TMEM184A: variants seen among roughly 807,000 people sequenced by gnomAD.
The protein encoded by TMEM184A is transmembrane protein 184A, also known as sexually dimorphic, expressed in male gonads 1.
Under a neutral mutation model 39.5 loss-of-function variants are expected in TMEM184A, and 40 were observed. The observed-to-expected ratio is 1.01, with a 90% CI of 0.79 to 1.32. The LOEUF (loss-of-function observed/expected upper bound fraction) is 1.32, where lower values mean the gene tolerates loss of function less well. Ranked by LOEUF, TMEM184A falls within the 40% of genes most tolerant of loss-of-function variation. The pLI is 0.00. For synonymous variants in TMEM184A, 280 were observed against 252.3 expected (o/e 1.11, Z -1.04); for missense variants, 603 against 568.8 (o/e 1.06, Z -0.61).
At position 1,542,905 on chromosome 7, in the gene TMEM184A, A is replaced by G. The variant is rs1784232139; in HGVS notation, c.*4047T>C. On this transcript the variant is annotated 3_prime_UTR_variant, in exon 9 of 9. Coordinates refer to ENST00000297477, the MANE Select transcript of TMEM184A (RefSeq NM_001097620.2). ...CTTTTTATCATGATATAAATTATTG[A>G]AAACAGATCACATGTGGGCCCGTGT... 1 of 152,640 alleles carries G rather than the reference A, an allele frequency of 6.6e-6. No individual in the cohort carries two copies. Among genetic ancestry groups the G allele is most frequent in the African/African-American group, 2.4e-5 (1 of 41,450 alleles). 9.5% of individuals were successfully genotyped at this position (152,640 alleles called of 1,614,324 possible).
intron 8 of TMEM184A, 129 bp from the exon 9 acceptor site, chr7:1,547,310 GC>G: frequency 1.6e-6 from 1 of 640,614 alleles, no homozygotes; most frequent in Non-Finnish European, 2.7e-6. Context: ...GCAGAGGGTG[GC>G]CCCAGACCCC....
At chr7:1,552,978 C>T (rs907111452) in intron 2 of TMEM184A, among the ~76,000 whole-genome samples, 1 of 151,936 alleles carries the variant, frequency 6.6e-6, no homozygotes, top group African/African-American at 2.4e-5. Flanking sequence ...TGGCTTAAAT[C>T]CGGGAAGCGG....
Position 1,550,339 on chromosome 7 carries a change from C to G in TMEM184A, c.442G>C (p.Ala148Pro). 2 of 1,612,928 alleles carry G rather than the reference C, an allele frequency of 1.2e-6. 1 individual carries two copies. Among genetic ancestry groups the G allele is most frequent in the South Asian group, 2.2e-5 (2 of 91,006 alleles). Residue 148 changes from alanine (A) to proline (P), a missense_variant, in exon 4 of 9, where the codon GCC (alanine) becomes CCC (proline). Physicochemically the swap from Ala to Pro is conservative, Grantham distance 27 (BLOSUM62 -1). Transcript: ENST00000297477. ...LCFQYLGGEGAIMAEIRGKPI... is the reference protein window; with the variant it reads ...LCFQYLGGEGPIMAEIRGKPI... ...TTTCCACGAATCTCAGCCATGATGG[C>G]GCCCTCGCCTCCCAGGTACTGGAAA...
In TMEM184A at chr7:1,555,363, C is replaced by T; in HGVS notation, c.122G>A (p.Ser41Asn). The change falls in exon 2 of 9, where the codon AGC becomes AAC. Residue 41 changes from serine (S) to asparagine (N), a missense_variant. Physicochemically the swap from Ser to Asn is conservative, Grantham distance 46. Transcript: ENST00000297477. The surrounding 1 kb of genome is among the most constrained non-coding windows in gnomAD (Gnocchi z 5.2). Reference protein sequence around the residue: ...AGPQMDHMGNSSQGAPWLFLT... With the variant: ...AGPQMDHMGNNSQGAPWLFLT... ...GAAGAGCCAGGGGGCCCCCTGGGAG[C>T]TGTTCCCCATGTGGTCCATCTGCGG... 1 of 1,611,300 alleles carries T rather than the reference C, an allele frequency of 6.2e-7. No individual in the cohort carries two copies. Among genetic ancestry groups the T allele is most frequent in the Non-Finnish European group, 8.5e-7 (1 of 1,179,242 alleles).
At position 1,550,125 on chromosome 7, in the gene TMEM184A, G is replaced by C; in HGVS notation, c.550C>G (p.Gln184Glu). ...YSIGFLRFCK[Q>E]ATLQFCLVKP... ...GGCAGGGCTGGGTGGCCCCTCACCT[G>C]CTTACAGAAGCGCAGGAACCCGATG... Residue 184 changes from glutamine to glutamate, a missense_variant and splice_region_variant, in exon 5 of 9, where the codon CAG becomes GAG. Transcript: ENST00000297477. 1 of 1,602,284 alleles carries C rather than the reference G, an allele frequency of 6.2e-7. No homozygotes were observed. The highest frequency in any genetic ancestry group is 8.5e-7 in the Non-Finnish European group (1 of 1,175,446).
In TMEM184A at chr7:1,555,510, C is replaced by T. The variant is rs751135657; in HGVS notation, c.1-26G>A. On this transcript the variant is annotated intron_variant, in intron 1 of 8. Transcript: ENST00000297477. The surrounding 1 kb of genome is among the most constrained non-coding windows in gnomAD (Gnocchi z 5.2). The stretch of plus-strand genomic sequence containing the variant: ...CTGCAGAGGGAGGGAGGACACACAC[C>T]GGGAGGAGTGAGGGCAAAGGTACTG... The T allele has an allele frequency of 5.6e-5, 89 of 1,579,228 alleles. 1 individual carries two copies. In the East Asian group the frequency reaches 1.6e-3, roughly 29 times the overall value.
chr7:1,542,320 G>C lies in TMEM184A; in HGVS notation c.*4632C>G, dbSNP rs1784211965. 6.6e-6 allele frequency: 1 copy of C among 152,660 alleles called. No individual in the cohort carries two copies. Among genetic ancestry groups the C allele is most frequent in the Admixed American group, 6.5e-5 (1 of 15,288 alleles). 9.5% of individuals were successfully genotyped at this position (152,660 alleles called of 1,614,324 possible). A position where few individuals can be genotyped will look rare whatever the true frequency, so the allele number is the denominator to read the frequency against. On this transcript the variant is annotated 3_prime_UTR_variant, in exon 9 of 9. Coordinates refer to ENST00000297477, the MANE Select transcript of TMEM184A (RefSeq NM_001097620.2). ...CCAGTTTGATACTGTAAATCTATCA[G>C]AGCAGAGCCGGGGGCACGGGCACAG... is the stretch of plus-strand genomic sequence containing the variant.
Position 1,555,410 on chromosome 7 carries a change from G to T in TMEM184A, c.75C>A (p.Pro25=). Residue 25 remains proline, a synonymous_variant, in exon 2 of 9, where the codon CCC becomes CCA. Transcript: ENST00000297477. This position sits in a 1 kb window ranked among gnomAD's most constrained non-coding sequence, Gnocchi z 5.2. ...LVSANWPQPS[P]PPAVPAGPQM... is the part of the protein sequence containing the mutation. ...GCGGCCCAGCTGGCACAGCCGGTGG[G>T]GGGCTGGGCTGCGGCCAGTTCGCTG... is the stretch of plus-strand genomic sequence containing the variant. The T allele has an allele frequency of 6.2e-7, 1 of 1,611,844 alleles. No homozygotes were observed. The highest frequency in any genetic ancestry group is 8.5e-7 in the Non-Finnish European group (1 of 1,179,694).
intron 6 of TMEM184A, 128 bp downstream of exon 6, chr7:1,549,726 T>A: frequency 1.2e-6 from 1 of 825,160 alleles, no homozygotes; most frequent in Non-Finnish European, 2.0e-6. Context: ...TCATGCCAGG[T>A]GCCCCCGCAG....
chr7:1,549,459 C>G (rs541757183), intron 6 of TMEM184A: 2 of 452,618 alleles, frequency 4.4e-6, no homozygotes, highest in Non-Finnish European at 9.1e-6. Flanking sequence ...CAAGAGTGCT[C>G]AAGGCTGGGC....
chr7:1,549,777 T>G (rs1035808990), intron 6 of TMEM184A, 77 bp downstream of exon 6: 2 of 1,367,738 alleles, frequency 1.5e-6, no homozygotes, highest in African/African-American at 1.5e-5. Flanking sequence ...CAAGTCCGCC[T>G]CGTTGGGCCC....
intron 2 of TMEM184A, among the ~76,000 whole-genome samples, chr7:1,551,599 T>C (rs187027809): frequency 1.3e-5 from 2 of 152,242 alleles, no homozygotes. Flanking sequence ...ATATGTTAAA[T>C]ACATATTTCT....
rs569736343 is a variant in TMEM184A at position 1,543,386 on chromosome 7, G to A, written c.*3566C>T. On this transcript the variant is annotated 3_prime_UTR_variant, in exon 9 of 9. Transcript: ENST00000297477. ...GGCTGTCAGTGTTCCCCTTCCCTGG[G>A]AGACATCTCGCCCAGCTTTGCTGGA... is the stretch of plus-strand genomic sequence containing the variant. 5 of 152,442 alleles carry A rather than the reference G, an allele frequency of 3.3e-5. No individual in the cohort carries two copies. The highest frequency in any genetic ancestry group is 1.2e-4 in the African/African-American group (5 of 41,598). The allele number at this position is 152,442 out of a possible 1,614,324, so 9.4% of individuals were successfully genotyped here.
rs1784381909 is a variant in TMEM184A at position 1,547,103 on chromosome 7, A to G, written c.1091T>C (p.Ile364Thr). The G allele has an allele frequency of 6.2e-7, 1 of 1,610,256 alleles. No individual in the cohort carries two copies. The highest frequency in any genetic ancestry group is 8.5e-7 in the Non-Finnish European group (1 of 1,179,638). Residue 364 changes from isoleucine (I) to threonine (T), a missense_variant, in exon 9 of 9, where the codon ATC (isoleucine) becomes ACC (threonine). By Grantham distance (89) the Ile-to-Thr change is moderately conservative. Transcript: ENST00000297477. Reference protein sequence around the residue: ...VSPQDIVQDAIHNFSPAYQHY... With the variant: ...VSPQDIVQDATHNFSPAYQHY... ...CTGGTAGGCGGGGGAGAAGTTGTGGATGGCGTCCTGCACGATGTCCTGGGG... is the reference window on the plus strand; with the variant it reads ...CTGGTAGGCGGGGGAGAAGTTGTGGGTGGCGTCCTGCACGATGTCCTGGGG...
At position 1,544,800 on chromosome 7, in the gene TMEM184A, G is replaced by C. The variant is rs906888491; in HGVS notation, c.*2152C>G. 3.3e-5 allele frequency: 5 copies of C among 152,284 alleles called. No individual in the cohort carries two copies. Among genetic ancestry groups the C allele is most frequent in the African/African-American group, 9.6e-5 (4 of 41,460 alleles). 9.4% of individuals were successfully genotyped at this position (152,284 alleles called of 1,614,324 possible). The stretch of plus-strand genomic sequence containing the variant: ...CCTGCTCTGTGACCTCAGGCAACTT[G>C]CTCCGTCTCTCTGGGCTCGGTCGCT... On this transcript the variant is annotated 3_prime_UTR_variant, in exon 9 of 9. Coordinates refer to ENST00000297477, the MANE Select transcript of TMEM184A (RefSeq NM_001097620.2).
chr7:1,547,454 C>T (rs1385111753), intron 8 of TMEM184A, among the ~76,000 whole-genome samples: 1 of 152,172 alleles, frequency 6.6e-6, no homozygotes, highest in Non-Finnish European at 1.5e-5. Context: ...CTCGGGTGGG[C>T]ACCCTGGTCT....
chr7:1,547,678 A>G, intron 8 of TMEM184A, 64 bp downstream of exon 8: 1 of 1,514,416 alleles, frequency 6.6e-7, no homozygotes. Context: ...TGGCACGGAC[A>G]CAGACACGGT....
rs370978274 is a variant in TMEM184A at position 1,550,224 on chromosome 7, G to A, written c.477-26C>T. ...CTGCGGGGGACGTCCCTGAGCCGGT[G>A]CGGGAGAATGCAGCCCCGGCGCCGC... is the stretch of plus-strand genomic sequence containing the variant. On this transcript the variant is annotated intron_variant, in intron 4 of 8. Transcript: ENST00000297477. The A allele has an allele frequency of 6.8e-4, 1,085 of 1,605,314 alleles. 5 individuals carry two copies. The highest frequency in any genetic ancestry group is 8.7e-4 in the Non-Finnish European group (1,029 of 1,176,472).
In TMEM184A at chr7:1,555,285, A is replaced by C; in HGVS notation, c.200T>G (p.Leu67Arg). The C allele has an allele frequency of 1.2e-6, 2 of 1,606,146 alleles. No homozygotes were observed. The highest frequency in any genetic ancestry group is 1.7e-6 in the Non-Finnish European group (2 of 1,176,560). The change falls in exon 2 of 9, where the codon CTG (leucine) becomes CGG (arginine). Residue 67 changes from leucine to arginine, a missense_variant. By Grantham distance (102) the Leu-to-Arg change is moderately radical (BLOSUM62 -2). Transcript: ENST00000297477. The surrounding 1 kb of genome is among the most constrained non-coding windows in gnomAD (Gnocchi z 5.2). ...GCTTACCTGGTGGCAGGTGAGCACC[A>C]GGGCAGTCCACACGAAGATCCCCGA... Reference protein sequence around the residue: ...GVSGIFVWTALVLTCHQIYLH... With the variant: ...GVSGIFVWTARVLTCHQIYLH...
Sources: gnomAD v4.1 joint callset for allele counts (sites outside exome capture counted in the v4.1 genomes callset) on GRCh38, gnomAD v4.1.1 for gene constraint, Gnocchi (gnomAD v3.1) non-coding constraint, MANE v1.5 for transcripts, NCBI Gene and HGNC (gene_info 2026-07-23, HGNC 2026-07-21) for gene names.